PSD3: variants seen among roughly 807,000 people sequenced by gnomAD.
The protein encoded by PSD3 is pleckstrin and Sec7 domain containing 3.
A neutral mutation model predicts 105.5 loss-of-function variants in PSD3; 49 were observed. The observed-to-expected ratio is 0.46, with a 90% CI of 0.37 to 0.59. The LOEUF (loss-of-function observed/expected upper bound fraction) is 0.59, where lower values mean the gene tolerates loss of function less well. Among genes scored for constraint, PSD3 ranks in the 20% least tolerant of loss-of-function variants. The pLI is 0.00. For missense variants in PSD3, 1,561 were observed against 1,263.8 expected (o/e 1.24, Z -3.57); for synonymous variants, 557 against 457.8 (o/e 1.22, Z -2.77).
intron 1 of PSD3, among the ~76,000 whole-genome samples, chr8:19,060,110 T>TGAAAC (rs1222938946): frequency 3.3e-4 from 51 of 152,382 alleles, no homozygotes; most frequent in Admixed American, 2.5e-3. Context: ...ATCCAGGTTT[T>TGAAAC]TGCTGAGATG....
intron 2 of PSD3, among the ~76,000 whole-genome samples, chr8:18,910,272 T>C (rs1438337898): frequency 6.9e-6 from 1 of 144,194 alleles, no homozygotes; most frequent in Non-Finnish European, 1.5e-5. Flanking sequence ...ATTAAGAAAA[T>C]GTGGCACATA....
At chr8:18,833,866 CA>C (rs1323231021) in intron 4 of PSD3, among the ~76,000 whole-genome samples, 1 of 151,478 alleles carries the variant, frequency 6.6e-6, no homozygotes, top group Non-Finnish European at 1.5e-5. Context: ...AAATATTAAG[CA>C]AAAAATTACA....
At chr8:18,577,381 T>A (rs1802525000) in intron 12 of PSD3, among the ~76,000 whole-genome samples, 1 of 152,086 alleles carries the variant, frequency 6.6e-6, no homozygotes, top group South Asian at 2.1e-4. Flanking sequence ...CTTTGAGGAA[T>A]GAATGTGTCT....
At chr8:18,816,485 CT>C (rs1238847579) in intron 4 of PSD3, among the ~76,000 whole-genome samples, 46 of 152,292 alleles carry the variant, frequency 3.0e-4, no homozygotes, top group African/African-American at 1.0e-3. Context: ...GCACGCATAA[CT>C]TTGGTGTATA....
chr8:18,773,687 C>A lies in PSD3; in HGVS notation c.2083-8149G>T, dbSNP rs973427154. Among the ~76,000 whole-genome samples, 5 of 152,090 alleles carry A rather than the reference C, an allele frequency of 3.3e-5. No individual in the cohort carries two copies. In the East Asian group the frequency reaches 9.6e-4, roughly 29 times the overall value. ...GTTTTGAAATGGAGAAATCAGGAGT[C>A]CTCCAATTTTTTGCCTCTTTTTCTA... On this transcript the variant is annotated intron_variant, in intron 8 of 15. Coordinates refer to ENST00000327040, the MANE Select transcript of PSD3 (RefSeq NM_015310.4).
intron 1 of PSD3, among the ~76,000 whole-genome samples, chr8:19,065,758 T>C (rs531007959): frequency 5.3e-5 from 8 of 151,992 alleles, no homozygotes; most frequent in African/African-American, 1.9e-4. Context: ...ACCTTTTGAG[T>C]TTTTATGAAG....
intron 9 of PSD3, among the ~76,000 whole-genome samples, chr8:18,703,182 T>C (rs374322342): frequency 6.6e-6 from 1 of 152,132 alleles, no homozygotes; most frequent in Non-Finnish European, 1.5e-5. Flanking sequence ...TGCCACTGCC[T>C]CGTCACGAGG....
intron 10 of PSD3, among the ~76,000 whole-genome samples, chr8:18,641,429 C>A (rs929384508): frequency 6.6e-6 from 1 of 152,084 alleles, no homozygotes; most frequent in African/African-American, 2.4e-5. Context: ...AACAGATACA[C>A]AAAATATTGG....
Position 19,048,362 on chromosome 8 carries a change from C to T in PSD3, c.324+35844G>A, listed in dbSNP as rs562353140. Among the ~76,000 whole-genome samples, 55 of 152,276 alleles carry T rather than the reference C, an allele frequency of 3.6e-4. No homozygotes were observed. The South Asian group carries it at 0.011, about 30-fold the overall frequency. On this transcript the variant is annotated intron_variant, in intron 1 of 1. Coordinates refer to the PSD3 transcript ENST00000521475. Reference sequence around the variant, plus strand: ...TTACAAGGGCAAAACTCATTTAAAGCCTGCACCTTTGAAAGTCAGATTCCT... The same window carrying T: ...TTACAAGGGCAAAACTCATTTAAAGTCTGCACCTTTGAAAGTCAGATTCCT...
intron 9 of PSD3, among the ~76,000 whole-genome samples, chr8:18,660,701 T>C (rs1278316575): frequency 6.6e-6 from 1 of 152,256 alleles, no homozygotes; most frequent in Non-Finnish European, 1.5e-5. Context: ...TGAATATTTC[T>C]AAATGCTCCA....
At chr8:19,031,116 G>T (rs996579013) in intron 1 of PSD3, among the ~76,000 whole-genome samples, 5 of 152,160 alleles carry the variant, frequency 3.3e-5, no homozygotes, top group Non-Finnish European at 7.3e-5. Flanking sequence ...CCTACAATCT[G>T]CAAGACAGCA....
chr8:18,808,761 C>T (rs1315233605), intron 4 of PSD3: 3 of 1,614,086 alleles, frequency 1.9e-6, no homozygotes, highest in Non-Finnish European at 1.7e-6. Context: ...TTACCAGCAA[C>T]CATACAGACA....
At chr8:18,582,284 A>G (rs1469333735) in intron 12 of PSD3, among the ~76,000 whole-genome samples, 1 of 152,184 alleles carries the variant, frequency 6.6e-6, no homozygotes, top group Non-Finnish European at 1.5e-5. Flanking sequence ...AAACTGCTTT[A>G]TCGATAATTT....
rs752573132 is a variant in PSD3, at chr8:18,535,887, G to C, written c.3000C>G (p.Ser1000Arg). ...GCGACTTCTTCAGTCCTGCAGCCTCGCTTTCATCGTTACTCAGTAGCTCTT... is the reference window on the plus strand; with the variant it reads ...GCGACTTCTTCAGTCCTGCAGCCTCCCTTTCATCGTTACTCAGTAGCTCTT... ...GGKELLSNDE[S>R]EAAGLKKSHS... Residue 1000 changes from serine (S) to arginine (R), a missense_variant, in exon 16 of 16, where the codon AGC (serine) becomes AGG (arginine). Ser to Arg is a moderately radical substitution (Grantham distance 110). Coordinates refer to ENST00000327040, the MANE Select transcript of PSD3 (RefSeq NM_015310.4). 1.2e-5 allele frequency: 20 copies of C among 1,614,002 alleles called. No individual in the cohort carries two copies. The Admixed American group carries it at 2.5e-4, about 20-fold the overall frequency.
intron 10 of PSD3, among the ~76,000 whole-genome samples, chr8:18,649,304 G>C (rs908398025): frequency 6.6e-6 from 1 of 152,224 alleles, no homozygotes; most frequent in African/African-American, 2.4e-5. Flanking sequence ...CCTCACACCA[G>C]TGTGCCCTGA....
chr8:19,073,891 C>A (rs1186480755), intron 1 of PSD3, among the ~76,000 whole-genome samples: 4 of 151,752 alleles, frequency 2.6e-5, no homozygotes, highest in Non-Finnish European at 5.9e-5. Context: ...CCCGGGTTCA[C>A]GCCATTCTGC....
intron 1 of PSD3, among the ~76,000 whole-genome samples, chr8:19,001,453 C>T (rs1826389003): frequency 6.6e-6 from 1 of 150,910 alleles, no homozygotes; most frequent in African/African-American, 2.5e-5. Flanking sequence ...ACATTTGTTG[C>T]AGTCAATGCA....
At chr8:19,055,571 T>A (rs560393855) in intron 1 of PSD3, among the ~76,000 whole-genome samples, 1 of 152,192 alleles carries the variant, frequency 6.6e-6, no homozygotes, top group South Asian at 2.1e-4. Flanking sequence ...GACTTTTTTT[T>A]CACTGGTCTG....
intron 11 of PSD3, among the ~76,000 whole-genome samples, chr8:18,615,448 T>C (rs1015588308): frequency 2.6e-5 from 4 of 152,182 alleles, no homozygotes; most frequent in African/African-American, 4.8e-5. Flanking sequence ...GCGCTCACCA[T>C]TGTTCCATCT....
Sources: allele counts gnomAD v4.1 joint callset (sites outside exome capture counted in the v4.1 genomes callset), GRCh38; gene constraint gnomAD v4.1.1; transcripts MANE v1.5; gene names NCBI Gene and HGNC (gene_info 2026-07-23, HGNC 2026-07-21).